Variants in CEP72 observed in about 807,000 individuals in gnomAD.
CEP72 encodes centrosomal protein of 72 kDa.
CEP72 carries 78 observed loss-of-function variants against 65.7 expected under a neutral mutation model. The ratio of observed to expected loss-of-function variants is 1.19; its 90% confidence interval spans 0.99 to 1.43. The LOEUF is 1.43. Among genes scored for constraint, CEP72 ranks in the 40% most tolerant of loss-of-function variants. CEP72 has a pLI of 0.00. For synonymous variants in CEP72, 358 were observed against 351.7 expected (o/e 1.02, Z -0.20); for missense variants, 914 against 832.9 (o/e 1.10, Z -1.20).
At chr5:646,787 T>A (rs1227640660) in intron 10 of CEP72, among the ~76,000 whole-genome samples, 3 of 152,234 alleles carry the variant, frequency 2.0e-5, no homozygotes, top group Non-Finnish European at 2.9e-5. Flanking sequence ...TGTCCCGTTC[T>A]CAGAGCTGAC....
At chr5:649,276 T>C (rs1426203357) in intron 11 of CEP72, among the ~76,000 whole-genome samples, 4 of 94,144 alleles carry the variant, frequency 4.2e-5, no homozygotes, top group Non-Finnish European at 7.9e-5. Flanking sequence ...GACTGTGAGG[T>C]GTGACTGTGA....
At position 626,506 on chromosome 5, in the gene CEP72, G is replaced by A. The variant is rs558618255; in HGVS notation, c.512+1927G>A. 3.3e-5 allele frequency among the ~76,000 whole-genome samples: 5 copies of A among 152,324 alleles called. No homozygotes were observed. The South Asian group carries it at 1.0e-3, about 32-fold the overall frequency. ...ATCTTGTGATTTTCTCCTTCAGCCT[G>A]TTGCTGTGAAGGATTTTCAAACATT... is the stretch of plus-strand genomic sequence containing the variant. On this transcript the variant is annotated intron_variant, in intron 4 of 11. Coordinates refer to ENST00000264935, the MANE Select transcript of CEP72 (RefSeq NM_018140.4).
At position 624,207 on chromosome 5, in the gene CEP72, T is replaced by C. The variant is rs536979795; in HGVS notation, c.404-264T>C. Among the ~76,000 whole-genome samples, 86 of 152,232 alleles carry C rather than the reference T, an allele frequency of 5.6e-4. No homozygotes were observed. The highest frequency in any genetic ancestry group is 1.2e-3 in the Non-Finnish European group (79 of 68,016). On this transcript the variant is annotated intron_variant, in intron 3 of 11. Transcript: ENST00000264935. This position sits in a 1 kb window ranked among gnomAD's most constrained non-coding sequence, Gnocchi z 4.7. ...CCCGGTGTGCACTTTAGAGAAAGGG[T>C]GTGCGTGTGTGTGTGTGAGCCTCAT...
At chr5:675,230 TG>T in the CEP72 span, among the ~76,000 whole-genome samples, 6 of 16,060 alleles carry the variant, frequency 3.7e-4, no homozygotes, top group South Asian at 2.6e-3. Flanking sequence ...GCAGTGTGGC[TG>T]GGGGTGCAGT....
intron 4 of CEP72, among the ~76,000 whole-genome samples, chr5:628,865 G>T (rs1247188942): frequency 9.3e-6 from 1 of 107,654 alleles, no homozygotes; most frequent in East Asian, 3.6e-4. Flanking sequence ...TCTTTGTGCA[G>T]CGTTCTGGAG....
At chr5:667,315 G>A (rs900083146), downstream of CEP72, 7 of 152,280 alleles carry the variant, frequency 4.6e-5, no homozygotes, top group African/African-American at 1.7e-4. Context: ...AGGCAAGCCA[G>A]AGAGAAAGGA....
chr5:662,796 C>G (rs1739691182), intron 1 of CEP72: 1 of 152,522 alleles, frequency 6.6e-6, no homozygotes, highest in Non-Finnish European at 1.5e-5. Context: ...ACCACTCGTC[C>G]TCGGCCTTTT....
At chr5:673,395 G>A in the CEP72 span, among the ~76,000 whole-genome samples, 4 of 152,136 alleles carry the variant, frequency 2.6e-5, no homozygotes, top group Non-Finnish European at 5.9e-5. Flanking sequence ...GAGGGTGGGA[G>A]AGAGGAGGAG....
chr5:653,096 G>A lies in CEP72; in HGVS notation c.1887G>A (p.Lys629=). ...ACTGGAGCTACCAGGAGCTCAAGAAGACCATGGCCCTGTTTCCACACAGCA... is the reference window on the plus strand; with the variant it reads ...ACTGGAGCTACCAGGAGCTCAAGAAAACCATGGCCCTGTTTCCACACAGCA... The part of the protein sequence containing the change: ...QMHWSYQELK[K]TMALFPHSSA... Residue 629 remains lysine (K), a synonymous_variant, in exon 12 of 12, where the codon AAG becomes AAA. Transcript: ENST00000264935. 6.2e-7 allele frequency: 1 copy of A among 1,613,570 alleles called. No individual in the cohort carries two copies. The highest frequency in any genetic ancestry group is 8.5e-7 in the Non-Finnish European group (1 of 1,180,004).
downstream of CEP72, among the ~76,000 whole-genome samples, chr5:654,152 G>A (rs1424124538): frequency 2.0e-5 from 3 of 148,146 alleles, no homozygotes; most frequent in Admixed American, 2.0e-4. Context: ...TGCGCTTGCT[G>A]TGTGTGCTCT....
downstream of CEP72, among the ~76,000 whole-genome samples, chr5:668,967 G>C (rs1281624683): frequency 6.6e-6 from 1 of 152,212 alleles, no homozygotes; most frequent in Non-Finnish European, 1.5e-5. Flanking sequence ...TGTTTAAACA[G>C]CACCTGAGGG....
At position 624,251 on chromosome 5, in the gene CEP72, G is replaced by C. The variant is rs180798918; in HGVS notation, c.404-220G>C. Among the ~76,000 whole-genome samples the C allele has an allele frequency of 2.0e-5, 3 of 152,182 alleles. No individual in the cohort carries two copies. The highest frequency in any genetic ancestry group is 2.0e-4 in the Admixed American group (3 of 15,284). On this transcript the variant is annotated intron_variant, in intron 3 of 11. Transcript: ENST00000264935. The surrounding 1 kb of genome is among the most constrained non-coding windows in gnomAD (Gnocchi z 4.7). ...GCCTCATCTGTGTGCGGCTGCTCCCGTGCGCAGCAGTGAGCTCTGAGGGAC... is the reference window on the plus strand; with the variant it reads ...GCCTCATCTGTGTGCGGCTGCTCCCCTGCGCAGCAGTGAGCTCTGAGGGAC...
chr5:674,234 A>T, the CEP72 span, among the ~76,000 whole-genome samples: 1 of 152,148 alleles, frequency 6.6e-6, no homozygotes, highest in South Asian at 2.1e-4. Context: ...GCACCCAGGG[A>T]CTCGTCCCAG....
intron 8 of CEP72, among the ~76,000 whole-genome samples, chr5:640,086 T>A (rs1176355003): frequency 6.6e-6 from 1 of 152,244 alleles, no homozygotes; most frequent in Non-Finnish European, 1.5e-5. Flanking sequence ...GTCGTCTGCA[T>A]GGTGGTTTCC....
intron 2 of CEP72, among the ~76,000 whole-genome samples, chr5:619,736 G>A (rs1052612949): frequency 2.0e-5 from 3 of 152,204 alleles, no homozygotes; most frequent in African/African-American, 4.8e-5. Context: ...ATCTGTGAAG[G>A]GGGGGCTGAT....
At chr5:648,869 TGTGACTGTGAGGTGTGACTGTGAGGC>T (rs1738663078) in intron 11 of CEP72, among the ~76,000 whole-genome samples, 1 of 51,704 alleles carries the variant, frequency 1.9e-5, no homozygotes, top group African/African-American at 8.4e-5. Flanking sequence ...GACTGTGAGG[TGTGACTGTGAGGTGTGACTGTGAGGC>T]GTGGACTGTG....
chr5:663,403 T>C (rs906018962), intron 1 of CEP72: 3 of 152,446 alleles, frequency 2.0e-5, no homozygotes, highest in African/African-American at 7.2e-5. Context: ...TTTTCCTTGC[T>C]CTTTATTTCC....
intron 3 of CEP72, among the ~76,000 whole-genome samples, chr5:622,774 C>T (rs540314553): frequency 7.1e-4 from 89 of 125,680 alleles, no homozygotes; most frequent in Non-Finnish European, 1.3e-3. Flanking sequence ...GACACAGTGT[C>T]TGTTTCCAAA....
At chr5:652,273 G>A (rs960022768) in intron 11 of CEP72, among the ~76,000 whole-genome samples, 1 of 152,212 alleles carries the variant, frequency 6.6e-6, no homozygotes, top group Admixed American at 6.5e-5. Flanking sequence ...ATTCATGCTG[G>A]CTTCATCCAG....
Sources: gnomAD v4.1 joint callset for allele counts (sites outside exome capture counted in the v4.1 genomes callset) on GRCh38, gnomAD v4.1.1 for gene constraint, Gnocchi (gnomAD v3.1) non-coding constraint, MANE v1.5 for transcripts, NCBI Gene and HGNC (gene_info 2026-07-23, HGNC 2026-07-21) for gene names.